The following ARPP21 variants were observed in gnomAD, a reference collection of about 807,000 sequenced individuals.
The protein encoded by ARPP21 is cAMP-regulated phosphoprotein 21.
A neutral mutation model predicts 113.2 loss-of-function variants in ARPP21; 69 were observed. The observed-to-expected ratio is 0.61, with a 90% CI of 0.50 to 0.74. The LOEUF is 0.74. Ranked by LOEUF, ARPP21 falls within the 30% of genes least tolerant of loss-of-function variation. ARPP21 has a pLI of 0.00. For synonymous variants in ARPP21, 368 were observed against 375.5 expected (o/e 0.98, Z 0.23); for missense variants, 1,070 against 1,037.4 (o/e 1.03, Z -0.43).
intron 6 of ARPP21, among the ~76,000 whole-genome samples, chr3:35,688,735 A>C (rs2081347178): frequency 1.3e-5 from 2 of 151,678 alleles, no homozygotes; most frequent in Admixed American, 1.3e-4. Flanking sequence ...TCCAAGGTGT[A>C]TATGACAGTA....
At chr3:35,762,057 G>C (rs1261686315) in intron 19 of ARPP21, among the ~76,000 whole-genome samples, 1 of 145,136 alleles carries the variant, frequency 6.9e-6, no homozygotes, top group Admixed American at 7.0e-5. Flanking sequence ...TCAACACCAA[G>C]GTCAAAAACT....
chr3:35,717,075 C>T (rs1484946744), intron 12 of ARPP21, among the ~76,000 whole-genome samples: 1 of 151,982 alleles, frequency 6.6e-6, no homozygotes, highest in Non-Finnish European at 1.5e-5. Context: ...TCTGCTTCCT[C>T]TTTCCTTCTT....
rs17755284 is a variant in ARPP21, at chr3:35,752,618, G to A, written c.2137+8653G>A. ...AACCAGGGTCCTAGAACTTTAATGT[G>A]CATGGAAACCCAGATCTTGTTAAAA... On this transcript the variant is annotated intron_variant, in intron 19 of 20. Transcript: ENST00000684406. Among the ~76,000 whole-genome samples the A allele has an allele frequency of 5.3e-5, 8 of 151,812 alleles. 1 individual carries two copies. Among genetic ancestry groups the A allele is most frequent in the Admixed American group, 5.2e-4 (8 of 15,240 alleles).
intron 1 of ARPP21, among the ~76,000 whole-genome samples, chr3:35,652,536 T>C (rs1322700851): frequency 6.6e-6 from 1 of 152,106 alleles, no homozygotes; most frequent in Non-Finnish European, 1.5e-5. Flanking sequence ...TGTTTCATCA[T>C]TTATTGATTG....
chr3:35,697,190 A>G (rs9875528), intron 9 of ARPP21, among the ~76,000 whole-genome samples: 2,581 of 151,722 alleles, frequency 0.017, 75 homozygotes, highest in African/African-American at 0.057. Context: ...CTTGTCTTTT[A>G]CATCCACCCA....
Position 35,739,366 on chromosome 3 carries a change from C to T in ARPP21, c.1799C>T (p.Ser600Phe). 1.2e-6 allele frequency: 2 copies of T among 1,614,140 alleles called. No individual in the cohort carries two copies. Among genetic ancestry groups the T allele is most frequent in the South Asian group, 1.1e-5 (1 of 91,066 alleles). ...GGCCAGATGACCCTGAGCCGGCAGT[C>T]CTCGGGGGAGACTCCTGAACCCCCA... The part of the protein sequence containing the change: ...QFGQMTLSRQ[S>F]SGETPEPPSG... Residue 600 changes from serine to phenylalanine, a missense_variant, in exon 18 of 21, where the codon TCC becomes TTC. Ser to Phe is a radical substitution (Grantham distance 155, BLOSUM62 -2). Transcript: ENST00000684406.
intron 1 of ARPP21, among the ~76,000 whole-genome samples, chr3:35,641,928 A>G (rs1334615536): frequency 1.3e-5 from 2 of 152,182 alleles, no homozygotes; most frequent in African/African-American, 4.8e-5. Flanking sequence ...GTGGATTGCT[A>G]TGCATTCATG....
intron 8 of ARPP21, 138 bp downstream of exon 8, chr3:35,690,278 T>C: frequency 1.6e-6 from 1 of 615,242 alleles, no homozygotes; most frequent in South Asian, 2.0e-5. Context: ...ATGGAGACAT[T>C]ATTGGAGTTA....
intron 15 of ARPP21, among the ~76,000 whole-genome samples, chr3:35,734,082 C>G (rs1394331039): frequency 2.0e-5 from 3 of 152,092 alleles, no homozygotes; most frequent in Admixed American, 2.0e-4. Context: ...TGTGCATGTA[C>G]ATGTGTATGT....
chr3:35,681,935 T>G, intron 3 of ARPP21, 55 bp downstream of exon 3: 1 of 1,551,648 alleles, frequency 6.4e-7, no homozygotes, highest in Admixed American at 1.9e-5. Context: ...AGCTCCCTTC[T>G]TTTATTTTCA....
intron 1 of ARPP21, among the ~76,000 whole-genome samples, chr3:35,651,452 A>G (rs1195995579): frequency 6.6e-6 from 1 of 151,990 alleles, no homozygotes; most frequent in Non-Finnish European, 1.5e-5. Flanking sequence ...ATCCATTTTT[A>G]TTGGCTTGTT....
At chr3:35,703,801 T>C (rs2087513929) in intron 9 of ARPP21, among the ~76,000 whole-genome samples, 2 of 151,960 alleles carry the variant, frequency 1.3e-5, no homozygotes, top group African/African-American at 4.8e-5. Context: ...TCCATTATCA[T>C]TTTAAATAAA....
intron 5 of ARPP21, among the ~76,000 whole-genome samples, chr3:35,687,023 A>G (rs2080829757): frequency 6.6e-6 from 1 of 151,302 alleles, no homozygotes; most frequent in African/African-American, 2.4e-5. Context: ...ACTGATGCTA[A>G]AATAAAATAA....
chr3:35,737,858 C>A (rs1188288653), intron 16 of ARPP21, among the ~76,000 whole-genome samples: 1 of 152,208 alleles, frequency 6.6e-6, no homozygotes, highest in Non-Finnish European at 1.5e-5. Context: ...TGGGAAGACA[C>A]AGATGCGTCC....
intron 1 of ARPP21, among the ~76,000 whole-genome samples, chr3:35,677,296 A>T (rs747335551): frequency 2.0e-5 from 3 of 151,954 alleles, no homozygotes; most frequent in Non-Finnish European, 4.4e-5. Flanking sequence ...ACAGACACAC[A>T]CACATACACT....
intron 19 of ARPP21, among the ~76,000 whole-genome samples, chr3:35,771,275 A>T (rs1187760650): frequency 6.6e-6 from 1 of 151,112 alleles, no homozygotes; most frequent in African/African-American, 2.4e-5. Context: ...TGCAGGTTCC[A>T]CTCTCTAGAG....
At chr3:35,757,595 T>C (rs1312103496) in intron 19 of ARPP21, among the ~76,000 whole-genome samples, 1 of 152,096 alleles carries the variant, frequency 6.6e-6, no homozygotes, top group Non-Finnish European at 1.5e-5. Flanking sequence ...TTTTGTTATG[T>C]TTGTTATGTT....
At chr3:35,694,923 G>A (rs1161379932) in intron 9 of ARPP21, among the ~76,000 whole-genome samples, 2 of 146,796 alleles carry the variant, frequency 1.4e-5, no homozygotes, top group Non-Finnish European at 3.0e-5. Context: ...TATATATTTA[G>A]ATATTATACA....
chr3:35,702,467 G>A (rs2086804041), intron 9 of ARPP21, among the ~76,000 whole-genome samples: 1 of 151,740 alleles, frequency 6.6e-6, no homozygotes, highest in Admixed American at 6.6e-5. Flanking sequence ...CAAATTGTTT[G>A]CTACAGCAGA....
Sources: allele counts gnomAD v4.1 joint callset (sites outside exome capture counted in the v4.1 genomes callset), GRCh38; gene constraint gnomAD v4.1.1; transcripts MANE v1.5; gene names NCBI Gene and HGNC (gene_info 2026-07-23, HGNC 2026-07-21).